The following MAP2K1 variants were observed in gnomAD, a reference collection of about 807,000 sequenced individuals.
MAP2K1 encodes the protein dual specificity mitogen-activated protein kinase kinase 1.
Under a neutral mutation model 46.3 loss-of-function variants are expected in MAP2K1, and 16 were observed. The ratio of observed to expected loss-of-function variants is 0.35; its 90% CI spans 0.23 to 0.52. The LOEUF is 0.52. Among genes scored for constraint, MAP2K1 ranks in the 20% least tolerant of loss-of-function variants. The pLI, the probability that MAP2K1 is intolerant of heterozygous loss-of-function variation, is 0.94. For missense variants in MAP2K1, 263 were observed against 497.1 expected, an observed-to-expected ratio of 0.53 and a Z score of 4.48; for synonymous variants, 183 against 185.6, an observed-to-expected ratio of 0.99 and a Z score of 0.11.
intron 1 of MAP2K1, among the ~76,000 whole-genome samples, chr15:66,418,033 C>T (rs1384212140): frequency 6.6e-6 from 1 of 152,040 alleles, no homozygotes; most frequent in South Asian, 2.1e-4. Flanking sequence ...AAGGAAGGGA[C>T]GAAGGGATTT....
intron 1 of MAP2K1, among the ~76,000 whole-genome samples, chr15:66,415,649 G>A (rs2093422919): frequency 6.6e-6 from 1 of 152,134 alleles, no homozygotes. Flanking sequence ...GACTTTCCTG[G>A]CTTGGCTCTC....
In MAP2K1 at chr15:66,435,054, G is replaced by A. The variant is rs1269147448; in HGVS notation, c.108G>A (p.Lys36=). The A allele has an allele frequency of 6.2e-7, 1 of 1,614,148 alleles. No individual in the cohort carries two copies. The highest frequency in any genetic ancestry group is 1.3e-5 in the African/African-American group (1 of 75,056). The change falls in exon 2 of 11, where the codon AAG becomes AAA. Residue 36 remains lysine (K), a synonymous_variant. Coordinates refer to ENST00000307102, the MANE Select transcript of MAP2K1 (RefSeq NM_002755.4). ...AETNLEALQK[K]LEELELDEQQ... The stretch of plus-strand genomic sequence containing the variant: ...CCAACTTGGAGGCCTTGCAGAAGAA[G>A]CTGGAGGAGCTAGAGCTTGATGAGC...
chr15:66,489,792 G>A (rs2140684545), intron 10 of MAP2K1, 29 bp downstream of exon 10: 3 of 1,579,756 alleles, frequency 1.9e-6, no homozygotes, highest in Non-Finnish European at 2.6e-6. Flanking sequence ...GATTCTTACA[G>A]TACCTGTTTA....
At position 66,389,572 on chromosome 15, in the gene MAP2K1, G is replaced by GTTTTT. The variant is rs375412152; in HGVS notation, c.80+2165_80+2169dup. Among the ~76,000 whole-genome samples, 29 of 86,966 alleles carry GTTTTT rather than the reference G, an allele frequency of 3.3e-4. 2 individuals are homozygous for GTTTTT. Among genetic ancestry groups the GTTTTT allele is most frequent in the South Asian group, 8.7e-4 (2 of 2,288 alleles). The allele number at this position is 86,966 out of a possible 152,430, so 57.1% of individuals were successfully genotyped here. A position where few individuals can be genotyped will look rare whatever the true frequency, so the allele number is the denominator to read the frequency against. On this transcript the variant is annotated intron_variant, in intron 1 of 10. Coordinates refer to ENST00000307102, the MANE Select transcript of MAP2K1 (RefSeq NM_002755.4). ...AAGTTTGAAGCCTAGCTCTGTTGTGGTTTTTTTTTTTTTTTTTTTTTTTTG... is the reference window on the plus strand; with the variant it reads ...AAGTTTGAAGCCTAGCTCTGTTGTGGTTTTTTTTTTTTTTTTTTTTTTTTTTTTTG...
intron 1 of MAP2K1, among the ~76,000 whole-genome samples, chr15:66,417,262 A>G (rs74022003): frequency 5.9e-4 from 90 of 152,136 alleles, no homozygotes; most frequent in African/African-American, 2.1e-3. Flanking sequence ...GTAATTTTCT[A>G]CCCCTAGTTT....
chr15:66,425,832 G>T (rs1458404217), intron 1 of MAP2K1, among the ~76,000 whole-genome samples: 1 of 152,162 alleles, frequency 6.6e-6, no homozygotes, highest in Non-Finnish European at 1.5e-5. Context: ...CCTTGCAGGG[G>T]GGAAGAAAAG....
chr15:66,399,052 C>T (rs1040565490), intron 1 of MAP2K1, among the ~76,000 whole-genome samples: 5 of 152,074 alleles, frequency 3.3e-5, no homozygotes, highest in African/African-American at 1.2e-4. Context: ...GGATTACAGG[C>T]GTGAGCCACC....
chr15:66,448,025 C>T (rs1203183691), intron 5 of MAP2K1, among the ~76,000 whole-genome samples: 17 of 151,772 alleles, frequency 1.1e-4, no homozygotes, highest in Non-Finnish European at 7.4e-5. Context: ...TGGTGGCACA[C>T]GCCTGTAATC....
At chr15:66,417,817 C>T (rs1235524972) in intron 1 of MAP2K1, among the ~76,000 whole-genome samples, 1 of 152,140 alleles carries the variant, frequency 6.6e-6, no homozygotes, top group South Asian at 2.1e-4. Context: ...GGAGAATTGA[C>T]AATTTCTCCT....
chr15:66,444,833 TA>T, intron 5 of MAP2K1, 126 bp downstream of exon 5: 1 of 844,416 alleles, frequency 1.2e-6, no homozygotes, highest in Non-Finnish European at 2.0e-6. Flanking sequence ...AATCTTTTAT[TA>T]AAAGTCTTTG....
chr15:66,398,693 T>C (rs934580099), intron 1 of MAP2K1, among the ~76,000 whole-genome samples: 1 of 151,714 alleles, frequency 6.6e-6, no homozygotes, highest in Non-Finnish European at 1.5e-5. Flanking sequence ...TGAATCCCAA[T>C]TGTGTACCGG....
chr15:66,468,029 T>C (rs1383349292), intron 5 of MAP2K1, among the ~76,000 whole-genome samples: 6 of 152,260 alleles, frequency 3.9e-5, no homozygotes, highest in African/African-American at 1.4e-4. Context: ...CTAATAGTAC[T>C]TTACCAACAA....
chr15:66,421,300 G>A (rs189827280), intron 1 of MAP2K1, among the ~76,000 whole-genome samples: 2 of 151,876 alleles, frequency 1.3e-5, no homozygotes, highest in Non-Finnish European at 2.9e-5. Context: ...TACACCTGGT[G>A]CATTTTTGTA....
At chr15:66,470,996 A>T (rs777997222) in intron 5 of MAP2K1, among the ~76,000 whole-genome samples, 18 of 152,322 alleles carry the variant, frequency 1.2e-4, no homozygotes, top group Non-Finnish European at 2.6e-4. Context: ...TCGAGGTCCC[A>T]GGTAGGTGAG....
intron 1 of MAP2K1, among the ~76,000 whole-genome samples, chr15:66,409,170 T>C (rs1028300488): frequency 6.6e-6 from 1 of 152,148 alleles, no homozygotes; most frequent in African/African-American, 2.4e-5. Flanking sequence ...ATGTATGTTA[T>C]CTCTGCTTGA....
At chr15:66,413,424 C>T (rs1169250984) in intron 1 of MAP2K1, among the ~76,000 whole-genome samples, 1 of 152,168 alleles carries the variant, frequency 6.6e-6, no homozygotes, top group African/African-American at 2.4e-5. Flanking sequence ...CCTGCTCTAG[C>T]CAGAATGAAA....
intron 1 of MAP2K1, among the ~76,000 whole-genome samples, chr15:66,394,986 TA>T (rs1330246502): frequency 6.6e-6 from 1 of 152,172 alleles, no homozygotes; most frequent in African/African-American, 2.4e-5. Flanking sequence ...GGCAAGGAAA[TA>T]TATGGGACTC....
chr15:66,432,716 A>G (rs1489659437), intron 1 of MAP2K1, among the ~76,000 whole-genome samples: 1 of 152,222 alleles, frequency 6.6e-6, no homozygotes, highest in Non-Finnish European at 1.5e-5. Context: ...ATATAGCATC[A>G]TGGTTAAGGT....
intron 5 of MAP2K1, among the ~76,000 whole-genome samples, chr15:66,478,526 G>A (rs1419992715): frequency 6.9e-6 from 1 of 145,596 alleles, no homozygotes; most frequent in East Asian, 2.0e-4. Flanking sequence ...TGAGACAAGA[G>A]TGTCACTCTT....
Sources: allele counts gnomAD v4.1 joint callset (sites outside exome capture counted in the v4.1 genomes callset), GRCh38; gene constraint gnomAD v4.1.1; transcripts MANE v1.5; gene names NCBI Gene and HGNC (gene_info 2026-07-23, HGNC 2026-07-21).